The following MAPK10 variants were observed in gnomAD, a reference collection of about 807,000 sequenced individuals.
The protein encoded by MAPK10 is mitogen-activated protein kinase 10.
MAPK10 carries 25 observed loss-of-function variants against 59.3 expected under a neutral mutation model. The ratio of observed to expected loss-of-function variants is 0.42; its 90% CI spans 0.31 to 0.59. The LOEUF is 0.59. MAPK10 is among the 20% of genes least tolerant of loss of function. The probability of loss-of-function intolerance (pLI) is 0.15; values close to 1 mark genes in which losing one functional copy is unlikely to be tolerated. For synonymous variants in MAPK10, 190 were observed against 200.5 expected (o/e 0.95, Z 0.44); for missense variants, 351 against 568.9 (o/e 0.62, Z 3.90).
At chr4:86,145,637 T>C (rs2064796641) in intron 4 of MAPK10, among the ~76,000 whole-genome samples, 1 of 152,182 alleles carries the variant, frequency 6.6e-6, no homozygotes, top group Non-Finnish European at 1.5e-5. Flanking sequence ...TTGATGTTCC[T>C]ACATCTCTCT....
intron 3 of MAPK10, among the ~76,000 whole-genome samples, chr4:86,180,057 T>C (rs1242881694): frequency 6.6e-6 from 1 of 151,864 alleles, no homozygotes; most frequent in African/African-American, 2.4e-5. Flanking sequence ...ACCCAAAGAA[T>C]GGGAGAAAAT....
chr4:86,075,152 C>T (rs1254931085), intron 9 of MAPK10, among the ~76,000 whole-genome samples: 1 of 151,972 alleles, frequency 6.6e-6, no homozygotes, highest in African/African-American at 2.4e-5. Context: ...TTTCATCTTC[C>T]ATCACTGATA....
intron 1 of MAPK10, among the ~76,000 whole-genome samples, chr4:86,378,086 A>G (rs1034038707): frequency 2.0e-5 from 3 of 152,074 alleles, no homozygotes; most frequent in African/African-American, 7.2e-5. Flanking sequence ...TCAAGTTGAC[A>G]CTCAGTATTA....
At chr4:86,241,760 A>C (rs146549775) in intron 2 of MAPK10, among the ~76,000 whole-genome samples, 1 of 152,122 alleles carries the variant, frequency 6.6e-6, no homozygotes, top group African/African-American at 2.4e-5. Flanking sequence ...GCTTCTTTGC[A>C]TTGGGTTAGA....
At chr4:86,590,736 T>C (rs1260553400) in intron 1 of MAPK10, among the ~76,000 whole-genome samples, 5 of 151,908 alleles carry the variant, frequency 3.3e-5, no homozygotes, top group African/African-American at 4.8e-5. Context: ...CAGTGAGCTG[T>C]GACCACACTA....
intron 11 of MAPK10, among the ~76,000 whole-genome samples, chr4:86,057,849 A>C (rs1323454900): frequency 6.7e-6 from 1 of 150,072 alleles, no homozygotes; most frequent in Admixed American, 6.6e-5. Flanking sequence ...GTTCTTTCCT[A>C]GTGAAAGAGG....
chr4:86,461,973 T>C (rs1045878470), intron 1 of MAPK10, among the ~76,000 whole-genome samples: 9 of 152,228 alleles, frequency 5.9e-5, no homozygotes, highest in African/African-American at 2.2e-4. Flanking sequence ...ATTTGAGCCT[T>C]TTCCTTTTAA....
intron 2 of MAPK10, among the ~76,000 whole-genome samples, chr4:86,316,265 A>G (rs1189774529): frequency 1.3e-5 from 2 of 152,214 alleles, no homozygotes; most frequent in Non-Finnish European, 2.9e-5. Flanking sequence ...AATAATATTC[A>G]CATCTGAAAA....
chr4:86,204,470 GAGAA>G (rs766868966), intron 2 of MAPK10, among the ~76,000 whole-genome samples: 13 of 151,914 alleles, frequency 8.6e-5, no homozygotes, highest in Non-Finnish European at 1.9e-4. Context: ...TCACCAATGA[GAGAA>G]AGGGACACCA....
At chr4:86,216,160 T>C (rs1253531289) in intron 2 of MAPK10, among the ~76,000 whole-genome samples, 1 of 151,636 alleles carries the variant, frequency 6.6e-6, no homozygotes, top group Admixed American at 6.6e-5. Context: ...AAAAAGATAT[T>C]TGTACACCTG....
At chr4:86,176,633 T>TTTTAGAAA (rs2075737790) in intron 3 of MAPK10, among the ~76,000 whole-genome samples, 2 of 138,406 alleles carry the variant, frequency 1.4e-5, no homozygotes, top group Non-Finnish European at 3.0e-5. Flanking sequence ...AATAACTACT[T>TTTTAGAAA]AATAAATTTT....
At chr4:86,108,087 C>T (rs1328791123) in intron 4 of MAPK10, among the ~76,000 whole-genome samples, 1 of 152,004 alleles carries the variant, frequency 6.6e-6, no homozygotes, top group East Asian at 1.9e-4. Flanking sequence ...AATAACAAAG[C>T]TCAAAATAAG....
chr4:86,159,901 TG>T (rs147558320), intron 3 of MAPK10, among the ~76,000 whole-genome samples: 12,847 of 151,958 alleles, frequency 0.085, 1,195 homozygotes, highest in African/African-American at 0.23. Flanking sequence ...GATAAAAAAT[TG>T]TATCTACAAC....
chr4:86,296,007 C>T (rs1361978270), intron 2 of MAPK10, among the ~76,000 whole-genome samples: 1 of 150,952 alleles, frequency 6.6e-6, no homozygotes, highest in Admixed American at 6.6e-5. Context: ...GAAACCCTGT[C>T]TTTACTGAAA....
chr4:86,479,640 A>C (rs1753420774), intron 1 of MAPK10, among the ~76,000 whole-genome samples: 1 of 151,704 alleles, frequency 6.6e-6, no homozygotes, highest in African/African-American at 2.4e-5. Context: ...CCAAACCGCC[A>C]CTCTTAACTC....
chr4:86,178,122 A>T (rs1193489422), intron 3 of MAPK10, among the ~76,000 whole-genome samples: 2 of 152,108 alleles, frequency 1.3e-5, no homozygotes, highest in Non-Finnish European at 2.9e-5. Flanking sequence ...TTTGGACCTT[A>T]AATACCACCA....
intron 2 of MAPK10, among the ~76,000 whole-genome samples, chr4:86,271,648 A>G (rs1436469383): frequency 1.3e-5 from 2 of 151,748 alleles, no homozygotes; most frequent in East Asian, 3.9e-4. Flanking sequence ...AGGTTTACTG[A>G]CTCAGTTCCA....
At chr4:86,465,814 C>T (rs1162525336) in intron 1 of MAPK10, among the ~76,000 whole-genome samples, 1 of 152,170 alleles carries the variant, frequency 6.6e-6, no homozygotes, top group African/African-American at 2.4e-5. Context: ...GAGACTGACA[C>T]TGAGAAGGAC....
chr4:86,391,827 T>G (rs1403904901), intron 1 of MAPK10, among the ~76,000 whole-genome samples: 1 of 152,174 alleles, frequency 6.6e-6, no homozygotes, highest in Non-Finnish European at 1.5e-5. Flanking sequence ...CACACTTACT[T>G]CCTTCCAGGA....
Sources: allele counts gnomAD v4.1 joint callset (sites outside exome capture counted in the v4.1 genomes callset), GRCh38; gene constraint gnomAD v4.1.1; transcripts MANE v1.5; gene names NCBI Gene and HGNC (gene_info 2026-07-23, HGNC 2026-07-21).